Variants in CAST observed in about 807,000 individuals in gnomAD.
CAST encodes the protein MIR583 host.
A neutral mutation model predicts 119.6 loss-of-function variants in CAST; 76 were observed. That is an observed-to-expected ratio of 0.64 (90% confidence interval 0.53 to 0.77). The LOEUF (loss-of-function observed/expected upper bound fraction) is 0.77, where lower values mean the gene tolerates loss of function less well. Ranked by LOEUF, CAST falls within the 30% of genes least tolerant of loss-of-function variation. The probability of loss-of-function intolerance (pLI) is 0.00; values close to 1 mark genes in which losing one functional copy is unlikely to be tolerated. For synonymous variants in CAST, 319 were observed against 331.6 expected (o/e 0.96, Z 0.41); for missense variants, 953 against 946.5 (o/e 1.01, Z -0.09).
At chr5:96,580,348 C>T (rs1746748371) in intron 1 of CAST, among the ~76,000 whole-genome samples, 1 of 152,070 alleles carries the variant, frequency 6.6e-6, no homozygotes, top group Non-Finnish European at 1.5e-5. Flanking sequence ...CATTTAGGGA[C>T]AAAATGTTCA....
At chr5:95,968,696 C>A in the CAST span, among the ~76,000 whole-genome samples, 1 of 152,138 alleles carries the variant, frequency 6.6e-6, no homozygotes, top group Admixed American at 6.6e-5. Context: ...TAGCTGATTT[C>A]ATTGTATTCT....
the CAST span, among the ~76,000 whole-genome samples, chr5:96,493,336 G>A: frequency 6.6e-6 from 1 of 152,122 alleles, no homozygotes; most frequent in Non-Finnish European, 1.5e-5. Flanking sequence ...TAGATAAAGT[G>A]CTTTGCCCTC....
the CAST span, among the ~76,000 whole-genome samples, chr5:96,383,763 T>C: frequency 1.3e-5 from 2 of 151,890 alleles, no homozygotes; most frequent in Non-Finnish European, 2.9e-5. Flanking sequence ...CTTCAGTGAG[T>C]TTTCAAGAAG....
intron 1 of CAST, among the ~76,000 whole-genome samples, chr5:96,585,920 C>T (rs751370244): frequency 3.3e-5 from 5 of 152,150 alleles, no homozygotes; most frequent in Non-Finnish European, 5.9e-5. Context: ...AAACAGCTGG[C>T]GTTTCTATTA....
the CAST span, among the ~76,000 whole-genome samples, chr5:96,013,763 C>A: frequency 1.3e-5 from 2 of 151,844 alleles, no homozygotes; most frequent in Non-Finnish European, 2.9e-5. Context: ...TATACCTAAA[C>A]ATAAAAAAGT....
chr5:96,710,056 G>T (rs1216012902), intron 3 of CAST, among the ~76,000 whole-genome samples: 1 of 152,166 alleles, frequency 6.6e-6, no homozygotes, highest in South Asian at 2.1e-4. Flanking sequence ...AAGAGGACAA[G>T]TATTATTGAG....
chr5:96,243,245 T>C, the CAST span, among the ~76,000 whole-genome samples: 1 of 151,632 alleles, frequency 6.6e-6, no homozygotes, highest in Admixed American at 6.6e-5. Flanking sequence ...GTACTCAGCA[T>C]AACTAAATGC....
intron 2 of CAST, among the ~76,000 whole-genome samples, chr5:96,691,289 T>C (rs1752698646): frequency 6.6e-6 from 1 of 152,224 alleles, no homozygotes; most frequent in African/African-American, 2.4e-5. Context: ...CAATATCGCA[T>C]ACTCTAAAAG....
chr5:96,286,677 T>C, the CAST span, among the ~76,000 whole-genome samples: 1 of 152,180 alleles, frequency 6.6e-6, no homozygotes, highest in Non-Finnish European at 1.5e-5. Flanking sequence ...TTTATTTTTT[T>C]AATTGCTAAG....
At chr5:96,529,054 G>A (rs977139006), upstream of CAST, among the ~76,000 whole-genome samples, 6 of 152,320 alleles carry the variant, frequency 3.9e-5, no homozygotes, top group Middle Eastern at 3.4e-3. Context: ...TATTTGGCAG[G>A]TTTAAAGGAG....
At chr5:96,166,989 G>A in the CAST span, among the ~76,000 whole-genome samples, 478 of 152,192 alleles carry the variant, frequency 3.1e-3, 1 homozygote, top group Non-Finnish European at 3.8e-3. Flanking sequence ...CTGAAGGAAG[G>A]TTTTGTGGTA....
the CAST span, among the ~76,000 whole-genome samples, chr5:96,251,374 A>G: frequency 6.6e-6 from 1 of 152,188 alleles, no homozygotes; most frequent in Non-Finnish European, 1.5e-5. Flanking sequence ...AAATTATTCA[A>G]GTGTAGTATA....
chr5:96,419,570 T>C, the CAST span, among the ~76,000 whole-genome samples: 1 of 151,480 alleles, frequency 6.6e-6, no homozygotes, highest in South Asian at 2.1e-4. Flanking sequence ...AACTACTAAG[T>C]GGCAGATCTA....
Position 96,675,620 on chromosome 5 carries a change from G to A in CAST, c.138+19G>A, listed in dbSNP as rs778596786. The stretch of plus-strand genomic sequence containing the variant: ...AGATGAGGTAATTTCCACAATACTG[G>A]GCTTTCATTTTCTCTTGCTTTTAAA... On this transcript the variant is annotated intron_variant, in intron 2 of 31. Coordinates refer to ENST00000675179, the MANE Select transcript of CAST (RefSeq NM_001750.7). 6.4e-6 allele frequency: 10 copies of A among 1,567,622 alleles called. No individual in the cohort carries two copies. In the South Asian group the frequency reaches 1.0e-4, roughly 16 times the overall value.
At chr5:96,768,058 A>G in intron 29 of CAST, 59 bp downstream of exon 29, 2 of 1,082,900 alleles carry the variant, frequency 1.8e-6, no homozygotes, top group Non-Finnish European at 2.9e-6. Flanking sequence ...GTGTACATAC[A>G]TATAAGTTTT....
intron 1 of CAST, among the ~76,000 whole-genome samples, chr5:96,654,424 G>C (rs1198942534): frequency 6.6e-6 from 1 of 151,946 alleles, no homozygotes; most frequent in Non-Finnish European, 1.5e-5. Flanking sequence ...CCAAACTGTG[G>C]AGTACATAAT....
intron 16 of CAST, among the ~76,000 whole-genome samples, chr5:96,745,520 C>T (rs764737704): frequency 1.6e-4 from 24 of 152,090 alleles, no homozygotes; most frequent in Non-Finnish European, 2.9e-4. Context: ...AGATGGGGGC[C>T]GTGGGTTGGG....
chr5:96,351,926 A>G, the CAST span, among the ~76,000 whole-genome samples: 4 of 152,218 alleles, frequency 2.6e-5, no homozygotes, highest in Admixed American at 1.3e-4. Flanking sequence ...AAGTTAACTA[A>G]CCGAAATGCC....
chr5:96,546,881 G>A (rs545323865), intron 1 of CAST, among the ~76,000 whole-genome samples: 1 of 152,290 alleles, frequency 6.6e-6, no homozygotes, highest in South Asian at 2.1e-4. Flanking sequence ...GTGAACCAAT[G>A]TGATGGTTTC....
Sources: gnomAD v4.1 joint callset for allele counts (sites outside exome capture counted in the v4.1 genomes callset) on GRCh38, gnomAD v4.1.1 for gene constraint, MANE v1.5 for transcripts, NCBI Gene and HGNC (gene_info 2026-07-23, HGNC 2026-07-21) for gene names.